The following UBR3 variants were observed in gnomAD, a reference collection of about 807,000 sequenced individuals.
The protein encoded by UBR3 is ubiquitin protein ligase E3 component n-recognin 3.
Under a neutral mutation model 243.2 loss-of-function variants are expected in UBR3, and 85 were observed. That is an observed-to-expected ratio of 0.35 (90% CI 0.29 to 0.42). The LOEUF is 0.42. Ranked by LOEUF, UBR3 falls within the 10% of genes least tolerant of loss-of-function variation. The pLI is 1.00. For synonymous variants in UBR3, 748 were observed against 799.8 expected (o/e 0.94, Z 1.09); for missense variants, 1,686 against 2,300.8 (o/e 0.73, Z 5.47).
chr2:169,838,339 AATTT>A (rs1362530834), intron 1 of UBR3, among the ~76,000 whole-genome samples: 2 of 151,134 alleles, frequency 1.3e-5, no homozygotes, highest in Non-Finnish European at 2.9e-5. Flanking sequence ...TTAGAACAGA[AATTT>A]ATTTATTCCA....
At chr2:170,055,677 GTTA>G (rs2105442858) in intron 33 of UBR3, 93 bp downstream of exon 33, 13 of 1,460,294 alleles carry the variant, frequency 8.9e-6, no homozygotes, top group African/African-American at 1.4e-5. Flanking sequence ...TACAAAATGA[GTTA>G]TTGGTATTTT....
At chr2:169,955,241 A>C (rs2105365232) in intron 23 of UBR3, among the ~76,000 whole-genome samples, 1 of 152,212 alleles carries the variant, frequency 6.6e-6, no homozygotes, top group South Asian at 2.1e-4. Flanking sequence ...TACAATTAAT[A>C]CGTAATTTGT....
intron 6 of UBR3, among the ~76,000 whole-genome samples, chr2:169,894,923 C>A (rs2084524048): frequency 6.6e-6 from 1 of 152,182 alleles, no homozygotes; most frequent in Non-Finnish European, 1.5e-5. Flanking sequence ...CCATTGAATA[C>A]CTTTATTTAA....
chr2:169,910,574 GA>G (rs952997672), intron 10 of UBR3, among the ~76,000 whole-genome samples: 1 of 152,092 alleles, frequency 6.6e-6, no homozygotes, highest in African/African-American at 2.4e-5. Flanking sequence ...ATAACAGAGA[GA>G]AAACAGGCTC....
chr2:169,856,115 C>G lies in UBR3; in HGVS notation c.546-16121C>G, dbSNP rs571607671. The stretch of plus-strand genomic sequence containing the variant: ...GCGGAGGGGCTCCTCACTTCTCAGA[C>G]GGGGGCAGCCGGTCAGAGACGCTCC... On this transcript the variant is annotated intron_variant, in intron 1 of 38. Coordinates refer to ENST00000272793, the MANE Select transcript of UBR3 (RefSeq NM_172070.4). Among the ~76,000 whole-genome samples the G allele has an allele frequency of 3.8e-3, 542 of 144,102 alleles. 1 individual carries two copies. The highest frequency in any genetic ancestry group is 5.7e-3 in the Non-Finnish European group (382 of 66,636). 94.5% of individuals were successfully genotyped at this position (144,102 alleles called of 152,430 possible). A position where few individuals can be genotyped will look rare whatever the true frequency, so the allele number is the denominator to read the frequency against.
intron 35 of UBR3, 21 bp downstream of exon 35, chr2:170,061,464 A>C: frequency 6.5e-7 from 1 of 1,532,288 alleles, no homozygotes; most frequent in South Asian, 1.2e-5. Context: ...TGGGATATGT[A>C]AGAGGGAGCT....
chr2:169,926,925 C>T lies in UBR3; in HGVS notation c.2292C>T (p.Gly764=), dbSNP rs1188233816. The T allele has an allele frequency of 2.1e-5, 33 of 1,550,964 alleles. No individual in the cohort carries two copies. Among genetic ancestry groups the T allele is most frequent in the Middle Eastern group, 1.7e-4 (1 of 5,988 alleles). ...DAEHERSMLE[G]ALTFLVILLS... Reference sequence around the variant, plus strand: ...AGCATGAGAGGTCGATGTTAGAAGGCGCTCTTACATTTCTTGTGATTCTTT... The same window carrying T: ...AGCATGAGAGGTCGATGTTAGAAGGTGCTCTTACATTTCTTGTGATTCTTT... Residue 764 remains glycine (G), a synonymous_variant, in exon 16 of 39, where the codon GGC becomes GGT. Transcript: ENST00000272793.
chr2:170,032,263 TAAAAACAAAAA>T (rs1353642800), intron 31 of UBR3, among the ~76,000 whole-genome samples: 1 of 151,244 alleles, frequency 6.6e-6, no homozygotes, highest in African/African-American at 2.4e-5. Context: ...ATGTGCTTGT[TAAAAACAAAAA>T]CAAAAACAGT....
intron 31 of UBR3, among the ~76,000 whole-genome samples, chr2:170,039,436 G>T (rs1177650594): frequency 6.6e-6 from 1 of 151,952 alleles, no homozygotes. Context: ...AAACTTGAAA[G>T]ACCGTATCAG....
intron 26 of UBR3, among the ~76,000 whole-genome samples, chr2:169,996,693 G>GTTTTTTTTTTT (rs397871702): frequency 1.2e-4 from 8 of 64,480 alleles, no homozygotes; most frequent in Non-Finnish European, 1.7e-4. Flanking sequence ...TTGGACTTTT[G>GTTTTTTTTTTT]TTTTTTTTTT....
intron 32 of UBR3, among the ~76,000 whole-genome samples, chr2:170,043,061 T>C (rs532327880): frequency 6.6e-6 from 1 of 152,288 alleles, no homozygotes; most frequent in Admixed American, 6.5e-5. Context: ...CTAATTATAT[T>C]AGTAGTATTA....
intron 11 of UBR3, among the ~76,000 whole-genome samples, chr2:169,919,570 A>G (rs1317042789): frequency 2.0e-5 from 3 of 152,224 alleles, no homozygotes; most frequent in South Asian, 2.1e-4. Context: ...TCATCTGACA[A>G]AGGTTCATCC....
chr2:169,894,032 G>A (rs2084478567), intron 6 of UBR3, among the ~76,000 whole-genome samples: 1 of 151,982 alleles, frequency 6.6e-6, no homozygotes, highest in Non-Finnish European at 1.5e-5. Context: ...CCCTGGAAAT[G>A]ATCTGTTTCA....
chr2:169,945,847 A>C (rs2086770410), intron 20 of UBR3, among the ~76,000 whole-genome samples: 2 of 152,128 alleles, frequency 1.3e-5, no homozygotes, highest in Non-Finnish European at 2.9e-5. Context: ...CTCCATATAA[A>C]TCCCACACTG....
intron 35 of UBR3, 110 bp from the exon 36 acceptor site, chr2:170,073,318 T>C (rs2091739237): frequency 7.9e-7 from 1 of 1,273,828 alleles, no homozygotes; most frequent in Non-Finnish European, 1.1e-6. Flanking sequence ...GTTGACTCAG[T>C]TAAGAAAGTT....
At chr2:169,850,541 G>T (rs536501963) in intron 1 of UBR3, among the ~76,000 whole-genome samples, 3 of 152,240 alleles carry the variant, frequency 2.0e-5, no homozygotes, top group Admixed American at 2.0e-4. Flanking sequence ...TAGGTGAAGG[G>T]GAAGTAAAAA....
intron 1 of UBR3, among the ~76,000 whole-genome samples, chr2:169,848,323 A>G (rs1282345260): frequency 6.6e-6 from 1 of 150,894 alleles, no homozygotes; most frequent in Admixed American, 6.7e-5. Flanking sequence ...AGTAAGTATA[A>G]AAGTATCATA....
At chr2:169,836,694 C>G (rs1052406306) in intron 1 of UBR3, among the ~76,000 whole-genome samples, 1 of 150,816 alleles carries the variant, frequency 6.6e-6, no homozygotes, top group Non-Finnish European at 1.5e-5. Flanking sequence ...TAATATTTTA[C>G]CAATCTGTTG....
Position 169,942,446 on chromosome 2 carries a change from T to G in UBR3, c.2664-47T>G, listed in dbSNP as rs747741496. ...TATAAATTACATTTAAACCACAGTT[T>G]GATTTTGAGGCTATCATCTAATTCT... On this transcript the variant is annotated intron_variant, in intron 19 of 38. Transcript: ENST00000272793. The G allele has an allele frequency of 9.3e-6, 14 of 1,499,688 alleles. 1 individual carries two copies. The South Asian group carries it at 1.7e-4, about 18-fold the overall frequency. The allele number at this position is 1,499,688 out of a possible 1,614,324, so 92.9% of individuals were successfully genotyped here.
Sources: allele counts gnomAD v4.1 joint callset (sites outside exome capture counted in the v4.1 genomes callset), GRCh38; gene constraint gnomAD v4.1.1; transcripts MANE v1.5; gene names NCBI Gene and HGNC (gene_info 2026-07-23, HGNC 2026-07-21).